The following PCDH9 variants were observed in gnomAD, a reference collection of about 807,000 sequenced individuals.
PCDH9 encodes protocadherin-9.
A neutral mutation model predicts 70.6 loss-of-function variants in PCDH9; 24 were observed. The ratio of observed to expected loss-of-function variants is 0.34; its 90% CI spans 0.25 to 0.48. PCDH9 has a LOEUF of 0.48. Among genes scored for constraint, PCDH9 ranks in the 20% least tolerant of loss-of-function variants. The pLI is 0.99. For missense variants in PCDH9, 1,281 were observed against 1,503.6 expected (o/e 0.85, Z 2.45); for synonymous variants, 562 against 558.5 (o/e 1.01, Z -0.09).
intron 4 of PCDH9, among the ~76,000 whole-genome samples, chr13:66,504,546 G>A (rs1307945555): frequency 6.6e-6 from 1 of 152,074 alleles, no homozygotes; most frequent in Non-Finnish European, 1.5e-5. Flanking sequence ...AGAAAATGGT[G>A]ATTTTCTTAA....
At chr13:67,131,377 G>T (rs568610123) in intron 2 of PCDH9, among the ~76,000 whole-genome samples, 1 of 152,162 alleles carries the variant, frequency 6.6e-6, no homozygotes, top group Admixed American at 6.6e-5. Flanking sequence ...CTGGTTTCTT[G>T]CTCCAGAAAA....
At chr13:67,229,403 A>C (rs1471030225) in intron 1 of PCDH9, among the ~76,000 whole-genome samples, 1 of 152,248 alleles carries the variant, frequency 6.6e-6, no homozygotes, top group Non-Finnish European at 1.5e-5. Context: ...AAAAGAGAAA[A>C]AAAATGCAAT....
chr13:66,654,977 T>TACACA (rs2077908783), intron 3 of PCDH9, among the ~76,000 whole-genome samples: 1 of 152,112 alleles, frequency 6.6e-6, no homozygotes, highest in Non-Finnish European at 1.5e-5. Flanking sequence ...ACACTCACCT[T>TACACA]GGCCTACCAA....
At chr13:66,825,628 C>T (rs1045569479) in intron 3 of PCDH9, among the ~76,000 whole-genome samples, 7 of 152,032 alleles carry the variant, frequency 4.6e-5, no homozygotes, top group Non-Finnish European at 8.8e-5. Context: ...AGCCACCGCG[C>T]CCGGCCAAAA....
At chr13:66,586,085 A>G (rs754825640) in intron 4 of PCDH9, among the ~76,000 whole-genome samples, 12 of 152,178 alleles carry the variant, frequency 7.9e-5, no homozygotes, top group Non-Finnish European at 1.6e-4. Context: ...AGCATTCACA[A>G]CTGAGAGTGA....
chr13:66,951,017 A>G (rs1032486854), intron 2 of PCDH9, among the ~76,000 whole-genome samples: 2 of 152,174 alleles, frequency 1.3e-5, no homozygotes, highest in African/African-American at 2.4e-5. Flanking sequence ...TGTTTACTGG[A>G]TGAAATATCT....
At chr13:66,675,267 T>A (rs1357668601) in intron 3 of PCDH9, among the ~76,000 whole-genome samples, 1 of 152,154 alleles carries the variant, frequency 6.6e-6, no homozygotes, top group Admixed American at 6.6e-5. Flanking sequence ...AGACAGTTTC[T>A]TGTGCCTTTG....
chr13:66,700,392 A>T (rs2078622343), intron 3 of PCDH9, among the ~76,000 whole-genome samples: 2 of 152,336 alleles, frequency 1.3e-5, no homozygotes, highest in South Asian at 4.1e-4. Context: ...TTCTTAGGAC[A>T]TAATTGTGAT....
At chr13:66,692,107 C>T (rs935387454) in intron 3 of PCDH9, among the ~76,000 whole-genome samples, 24 of 152,102 alleles carry the variant, frequency 1.6e-4, no homozygotes, top group African/African-American at 5.3e-4. Flanking sequence ...TATAACAAAG[C>T]TTCTTTGATA....
At chr13:66,576,004 T>C (rs2076809657) in intron 4 of PCDH9, among the ~76,000 whole-genome samples, 1 of 151,386 alleles carries the variant, frequency 6.6e-6, no homozygotes, top group South Asian at 2.1e-4. Flanking sequence ...ATATGTAAGC[T>C]AGACACTTTG....
intron 3 of PCDH9, among the ~76,000 whole-genome samples, chr13:66,898,973 G>A (rs964868786): frequency 6.6e-6 from 1 of 151,882 alleles, no homozygotes; most frequent in Non-Finnish European, 1.5e-5. Context: ...CTTGAAGACA[G>A]TTGTCTTGAA....
At chr13:66,646,305 C>T (rs117573991) in intron 3 of PCDH9, among the ~76,000 whole-genome samples, 2,326 of 152,186 alleles carry the variant, frequency 0.015, 30 homozygotes, top group Middle Eastern at 0.058. Flanking sequence ...TGTTTCTTTT[C>T]AGATTTCTTA....
At chr13:66,853,948 T>C (rs1050009356) in intron 3 of PCDH9, among the ~76,000 whole-genome samples, 1 of 152,084 alleles carries the variant, frequency 6.6e-6, no homozygotes, top group African/African-American at 2.4e-5. Context: ...TGGAGAAAAA[T>C]ATAGCCTCAC....
chr13:66,351,351 C>T (rs1593843614), intron 4 of PCDH9, among the ~76,000 whole-genome samples: 1 of 152,062 alleles, frequency 6.6e-6, no homozygotes, highest in African/African-American at 2.4e-5. Context: ...CCGGAAGTCT[C>T]CTACTGATGA....
intron 4 of PCDH9, among the ~76,000 whole-genome samples, chr13:66,401,001 G>A (rs1054330712): frequency 6.6e-6 from 1 of 152,118 alleles, no homozygotes; most frequent in African/African-American, 2.4e-5. Context: ...GAAATGACAC[G>A]ACTTTCTGGC....
chr13:66,645,933 A>G (rs944223833), intron 3 of PCDH9, among the ~76,000 whole-genome samples: 2 of 152,214 alleles, frequency 1.3e-5, no homozygotes, highest in Admixed American at 1.3e-4. Context: ...CCAGTAAGGG[A>G]TATAGCAGGA....
chr13:66,426,447 T>C (rs1957671897), intron 4 of PCDH9, among the ~76,000 whole-genome samples: 1 of 150,722 alleles, frequency 6.6e-6, no homozygotes, highest in Non-Finnish European at 1.5e-5. Flanking sequence ...GTTACAGCAT[T>C]TTATTTCCCA....
intron 2 of PCDH9, among the ~76,000 whole-genome samples, chr13:67,194,654 A>T (rs1217593031): frequency 1.3e-5 from 2 of 152,178 alleles, no homozygotes. Flanking sequence ...CATATTTATT[A>T]TTGTATTAGG....
rs185353148 is a variant in PCDH9, at chr13:66,305,013, G to A, written c.3356C>T (p.Pro1119Leu). ...SDPNSDGPLG[P>L]RGLAEATEMC... ...CTCTGTAGCTTCAGCTAATCCTCGG[G>A]GACCCAAAGGCCCATCTGCAGAAGA... The change falls in exon 5 of 5, where the codon CCC becomes CTC. Residue 1119 changes from proline to leucine, a missense_variant. Physicochemically the swap from Pro to Leu is moderately conservative, Grantham distance 98. Around this residue, in one of 4 missense-constraint regions of PCDH9, gnomAD observed 264 missense variants for 278.8 expected, o/e 0.95. Coordinates refer to ENST00000377865, the MANE Select transcript of PCDH9 (RefSeq NM_203487.3). The A allele has an allele frequency of 1.2e-6, 2 of 1,610,244 alleles. No individual in the cohort carries two copies. Among genetic ancestry groups the A allele is most frequent in the Non-Finnish European group, 8.5e-7 (1 of 1,177,642 alleles).
Sources: allele counts gnomAD v4.1 joint callset (sites outside exome capture counted in the v4.1 genomes callset), GRCh38; gene constraint gnomAD v4.1.1; regional missense constraint gnomAD v4.1.1; transcripts MANE v1.5; gene names NCBI Gene and HGNC (gene_info 2026-07-23, HGNC 2026-07-21).